RIPOR2: variants seen among roughly 807,000 people sequenced by gnomAD.
RIPOR2 encodes RHO family interacting cell polarization regulator 2, also known as rho family-interacting cell polarization regulator 2.
Under a neutral mutation model 114.5 loss-of-function variants are expected in RIPOR2, and 39 were observed. The ratio of observed to expected loss-of-function variants is 0.34; its 90% CI spans 0.26 to 0.44. The LOEUF (loss-of-function observed/expected upper bound fraction) is 0.44. Among genes scored for constraint, RIPOR2 ranks in the 20% least tolerant of loss-of-function variants. The pLI, the probability that RIPOR2 is intolerant of heterozygous loss-of-function variation, is 1.00. For synonymous variants in RIPOR2, 445 were observed against 484.4 expected (o/e 0.92, Z 1.07); for missense variants, 1,007 against 1,255.1 (o/e 0.80, Z 2.99).
chr6:24,873,006 G>C (rs767921688), intron 3 of RIPOR2, 47 bp from the exon 4 acceptor site: 1 of 1,263,934 alleles, frequency 7.9e-7, no homozygotes, highest in South Asian at 1.2e-5. Context: ...CGCCTGTTAA[G>C]TGGAATCTGG....
intron 1 of RIPOR2, among the ~76,000 whole-genome samples, chr6:24,953,442 G>A (rs147166933): frequency 9.2e-5 from 14 of 152,288 alleles, no homozygotes; most frequent in African/African-American, 3.1e-4. Context: ...CTCTCCAGGT[G>A]TGTGCCCCAC....
intron 16 of RIPOR2, 48 bp downstream of exon 16, chr6:24,832,208 G>C (rs1476974691): frequency 1.3e-6 from 2 of 1,531,584 alleles, no homozygotes; most frequent in Non-Finnish European, 1.8e-6. Flanking sequence ...GACTGGGCTA[G>C]TGGTGTCATC....
At chr6:24,865,024 C>T (rs537215028) in intron 7 of RIPOR2, among the ~76,000 whole-genome samples, 7 of 152,272 alleles carry the variant, frequency 4.6e-5, no homozygotes, top group East Asian at 3.9e-4. Context: ...CGTAGCTCAC[C>T]GCAGCCTTGA....
chr6:24,983,263 T>C (rs1774381889), intron 1 of RIPOR2, among the ~76,000 whole-genome samples: 1 of 151,774 alleles, frequency 6.6e-6, no homozygotes, highest in South Asian at 2.1e-4. Context: ...TATATACACG[T>C]ATACATATAT....
intron 1 of RIPOR2, among the ~76,000 whole-genome samples, chr6:24,888,246 A>T (rs1033987570): frequency 1.2e-4 from 19 of 152,182 alleles, no homozygotes; most frequent in African/African-American, 3.9e-4. Context: ...TCACCAGGTT[A>T]AAAAAACATT....
chr6:24,976,513 G>A lies in RIPOR2; in HGVS notation c.76+65338C>T, dbSNP rs895048220. 4 of 1,582,020 alleles carry A rather than the reference G, an allele frequency of 2.5e-6. No individual in the cohort carries two copies. The Admixed American group carries it at 5.0e-5, about 20-fold the overall frequency. ...GTAAGGGGCCTGGAAACCAAGAAGT[G>A]ACTGCTCATCTAATCCATAAAGCTA... On this transcript the variant is annotated intron_variant, in intron 1 of 13. Coordinates refer to the RIPOR2 transcript ENST00000510784.
chr6:25,039,386 A>G (rs764541931), intron 1 of RIPOR2, among the ~76,000 whole-genome samples: 14 of 152,198 alleles, frequency 9.2e-5, no homozygotes, highest in Non-Finnish European at 1.9e-4. Flanking sequence ...TCCTGTTTCT[A>G]ACTCACACTG....
chr6:24,897,883 C>T (rs1194184703), intron 1 of RIPOR2, among the ~76,000 whole-genome samples: 1 of 152,076 alleles, frequency 6.6e-6, no homozygotes, highest in African/African-American at 2.4e-5. Flanking sequence ...TCACAGCCTC[C>T]CAAGTAGCTG....
chr6:25,012,589 T>C (rs949560872), intron 1 of RIPOR2, among the ~76,000 whole-genome samples: 2 of 152,234 alleles, frequency 1.3e-5, no homozygotes, highest in African/African-American at 4.8e-5. Flanking sequence ...AAATTAGCTT[T>C]AAAAACATTA....
rs568228604 is a variant in RIPOR2 at position 24,848,825 on chromosome 6, C to A, written c.1035-671G>T. ...CTGGCTTTCCATATTGTAAATGAGA[C>A]CCTGAGCATGAATACTCAACATGTC... On this transcript the variant is annotated intron_variant, in intron 11 of 21. Coordinates refer to ENST00000643898, the MANE Select transcript of RIPOR2 (RefSeq NM_001286445.3). Among the ~76,000 whole-genome samples the A allele has an allele frequency of 3.3e-5, 5 of 152,254 alleles. No homozygotes were observed. The South Asian group carries it at 1.0e-3, about 32-fold the overall frequency.
At position 24,830,495 on chromosome 6, in the gene RIPOR2, C is replaced by T; in HGVS notation, c.2506+14G>A. Reference sequence around the variant, plus strand: ...CTGAAGGACAGAAATTCTCTCTCTACTGCTGCCTCATACCTGGGTCTGCAA... The same window carrying T: ...CTGAAGGACAGAAATTCTCTCTCTATTGCTGCCTCATACCTGGGTCTGCAA... On this transcript the variant is annotated intron_variant, in intron 17 of 21. Transcript: ENST00000643898. 1 of 1,517,962 alleles carries T rather than the reference C, an allele frequency of 6.6e-7. No individual in the cohort carries two copies. Among genetic ancestry groups the T allele is most frequent in the Admixed American group, 2.0e-5 (1 of 49,972 alleles). The allele number at this position is 1,517,962 out of a possible 1,614,324, so 94.0% of individuals were successfully genotyped here. A position where few individuals can be genotyped will look rare whatever the true frequency, so the allele number is the denominator to read the frequency against.
chr6:24,833,232 A>G (rs1760821657), intron 15 of RIPOR2, among the ~76,000 whole-genome samples: 1 of 152,160 alleles, frequency 6.6e-6, no homozygotes, highest in Admixed American at 6.5e-5. Context: ...GGACTCTAAA[A>G]CAAATAGGAT....
intron 1 of RIPOR2, among the ~76,000 whole-genome samples, chr6:24,900,838 T>C (rs1581750131): frequency 6.6e-6 from 1 of 152,176 alleles, no homozygotes; most frequent in African/African-American, 2.4e-5. Flanking sequence ...TGTTGTTGTT[T>C]TGTCTTGCTT....
chr6:24,997,662 T>C (rs1775104867), intron 1 of RIPOR2, among the ~76,000 whole-genome samples: 1 of 152,180 alleles, frequency 6.6e-6, no homozygotes, highest in African/African-American at 2.4e-5. Context: ...CAACCAAAAA[T>C]GTCCAACATG....
intron 1 of RIPOR2, among the ~76,000 whole-genome samples, chr6:24,895,683 A>G (rs573705096): frequency 2.0e-5 from 3 of 152,306 alleles, no homozygotes; most frequent in African/African-American, 4.8e-5. Flanking sequence ...GGTTCTGGGA[A>G]TCTTAGGATT....
chr6:24,890,237 C>T (rs558308387), intron 1 of RIPOR2, among the ~76,000 whole-genome samples: 3 of 152,236 alleles, frequency 2.0e-5, no homozygotes, highest in Non-Finnish European at 2.9e-5. Context: ...AATAGCAAAA[C>T]TATGAGATCA....
exon 1 of RIPOR2, chr6:25,041,916 G>GGTA (rs1561862555): frequency 1.4e-6 from 1 of 702,874 alleles, no homozygotes; most frequent in East Asian, 2.7e-5. Flanking sequence ...TAATCGCGAA[G>GGTA]GTAACACCAT....
chr6:24,806,731 T>C (rs557513530), intron 21 of RIPOR2, among the ~76,000 whole-genome samples: 1 of 152,244 alleles, frequency 6.6e-6, no homozygotes, highest in Non-Finnish European at 1.5e-5. Context: ...AGAAGTCTTA[T>C]GGCCATTTGA....
intron 1 of RIPOR2, among the ~76,000 whole-genome samples, chr6:24,926,915 CCATCAT>C (rs201594751): frequency 6.6e-6 from 1 of 151,228 alleles, no homozygotes; most frequent in Non-Finnish European, 1.5e-5. Flanking sequence ...ATCACCACCA[CCATCAT>C]CATCACCACC....
Sources: allele counts gnomAD v4.1 joint callset (sites outside exome capture counted in the v4.1 genomes callset), GRCh38; gene constraint gnomAD v4.1.1; transcripts MANE v1.5; gene names NCBI Gene and HGNC (gene_info 2026-07-23, HGNC 2026-07-21).